The following FBXO39 variants were observed in gnomAD, a reference collection of about 807,000 sequenced individuals.
FBXO39 encodes F-box only protein 39.
A neutral mutation model predicts 36.6 loss-of-function variants in FBXO39; 22 were observed. That is an observed-to-expected ratio of 0.60 (90% CI 0.43 to 0.86). The LOEUF is 0.86. Ranked by LOEUF, FBXO39 falls within the 40% of genes least tolerant of loss-of-function variation. The pLI is 0.00. For synonymous variants in FBXO39, 206 were observed against 205.8 expected, an observed-to-expected ratio of 1.00 and a Z score of -0.01; for missense variants, 536 against 543.9, an observed-to-expected ratio of 0.99 and a Z score of 0.14.
chr17:6,782,660 A>G (rs1976523706), intron 2 of FBXO39, among the ~76,000 whole-genome samples: 1 of 152,150 alleles, frequency 6.6e-6, no homozygotes, highest in Admixed American at 6.5e-5. Flanking sequence ...TCAAGACAAA[A>G]TCTATAAAAA....
intron 1 of FBXO39, among the ~76,000 whole-genome samples, chr17:6,777,066 C>T (rs951694043): frequency 2.0e-4 from 31 of 152,020 alleles, no homozygotes; most frequent in African/African-American, 7.0e-4. Flanking sequence ...CTTGCTAGGC[C>T]AAAAGGTTTC....
chr17:6,780,805 C>A lies in FBXO39; in HGVS notation c.937C>A (p.Leu313Met). The A allele has an allele frequency of 6.2e-7, 1 of 1,614,134 alleles. No homozygotes were observed. The change falls in exon 2 of 4, where the codon CTG becomes ATG. Residue 313 changes from leucine (L) to methionine (M), a missense_variant. Leu to Met is a conservative substitution (Grantham distance 15). Coordinates refer to ENST00000321535, the MANE Select transcript of FBXO39 (RefSeq NM_153230.3). ...GGAGATCCCGATCAGGAGCATCAGTCTGAGAAGCTGCTATTTCAGTGACCC... is the reference window on the plus strand; with the variant it reads ...GGAGATCCCGATCAGGAGCATCAGTATGAGAAGCTGCTATTTCAGTGACCC... Reference protein sequence around the residue: ...LQEIPIRSISLRSCYFSDPDC... With the variant: ...LQEIPIRSISMRSCYFSDPDC...
At chr17:6,781,674 G>C (rs1330068305) in intron 2 of FBXO39, among the ~76,000 whole-genome samples, 1 of 152,078 alleles carries the variant, frequency 6.6e-6, no homozygotes, top group Non-Finnish European at 1.5e-5. Context: ...CTGCAGGGCT[G>C]GGACGAGCAC....
intron 2 of FBXO39, among the ~76,000 whole-genome samples, chr17:6,781,215 T>A (rs1055590725): frequency 6.6e-6 from 1 of 152,208 alleles, no homozygotes; most frequent in African/African-American, 2.4e-5. Context: ...CTGGGCTGCC[T>A]CTTCCTACTT....
At chr17:6,784,953 GTATA>G (rs1235738371) in intron 2 of FBXO39, among the ~76,000 whole-genome samples, 1,717 of 113,878 alleles carry the variant, frequency 0.015, 56 homozygotes, top group African/African-American at 0.057. Context: ...GTGTGTGTGT[GTATA>G]TATATATATG....
intron 1 of FBXO39, among the ~76,000 whole-genome samples, chr17:6,777,137 A>G (rs917536275): frequency 3.3e-5 from 5 of 152,040 alleles, no homozygotes; most frequent in Middle Eastern, 3.2e-3. Context: ...ACATGTGCAG[A>G]ACATGCAGGT....
chr17:6,782,972 C>T (rs1157782400), intron 2 of FBXO39, among the ~76,000 whole-genome samples: 2 of 152,102 alleles, frequency 1.3e-5, no homozygotes, highest in African/African-American at 4.8e-5. Flanking sequence ...AGAACACACA[C>T]TCTTCTCTTT....
intron 1 of FBXO39, 28 bp from the exon 2 acceptor site, chr17:6,779,761 A>T: frequency 8.5e-7 from 1 of 1,180,648 alleles, no homozygotes; most frequent in Non-Finnish European, 1.2e-6. Flanking sequence ...TTTGACAGGT[A>T]ATGGCTCTTC....
At chr17:6,779,584 T>C (rs985621593) in intron 1 of FBXO39, among the ~76,000 whole-genome samples, 1 of 152,204 alleles carries the variant, frequency 6.6e-6, no homozygotes, top group Admixed American at 6.5e-5. Flanking sequence ...CTTCCTGCTC[T>C]CTCACAGGGT....
chr17:6,777,957 G>C (rs1013700971), intron 1 of FBXO39, among the ~76,000 whole-genome samples: 1 of 152,214 alleles, frequency 6.6e-6, no homozygotes, highest in Non-Finnish European at 1.5e-5. Context: ...GGTGGTGAGA[G>C]AAAGTGATGG....
In FBXO39 at chr17:6,780,084, A is replaced by T; in HGVS notation, c.216A>T (p.Ala72=). Residue 72 remains alanine, a synonymous_variant, in exon 2 of 4, where the codon GCA becomes GCT. Coordinates refer to ENST00000321535, the MANE Select transcript of FBXO39 (RefSeq NM_153230.3). ...GCGGGAGACCTTCCAGGGTACATGC[A>T]TCTGAAGTTGAGTCAGCTGTTTGGT... ...TFSGRPSRVH[A]SEVESAVWYV... is the part of the protein sequence containing the mutation. 6.2e-7 allele frequency: 1 copy of T among 1,614,220 alleles called. No individual in the cohort carries two copies. Among genetic ancestry groups the T allele is most frequent in the Non-Finnish European group, 8.5e-7 (1 of 1,180,032 alleles).
chr17:6,782,309 A>G (rs1435703376), intron 2 of FBXO39, among the ~76,000 whole-genome samples: 1 of 152,220 alleles, frequency 6.6e-6, no homozygotes, highest in Non-Finnish European at 1.5e-5. Context: ...GACATGAAAC[A>G]TACCTCCAGA....
chr17:6,780,395 T>C lies in FBXO39; in HGVS notation c.527T>C (p.Val176Ala). The C allele has an allele frequency of 6.2e-7, 1 of 1,614,144 alleles. No individual in the cohort carries two copies. Among genetic ancestry groups the C allele is most frequent in the Non-Finnish European group, 8.5e-7 (1 of 1,180,030 alleles). ...AACCTAAAAGGGGCCAGGCTGACCG[T>C]GGAGCAAGGCTGCCAAATTCTCGAC... Reference protein sequence around the residue: ...YLNLKGARLTVEQGCQILDSL... With the variant: ...YLNLKGARLTAEQGCQILDSL... The change falls in exon 2 of 4, where the codon GTG becomes GCG. Residue 176 changes from valine to alanine, a missense_variant. Physicochemically the swap from Val to Ala is moderately conservative, Grantham distance 64 (BLOSUM62 0). Coordinates refer to ENST00000321535, the MANE Select transcript of FBXO39 (RefSeq NM_153230.3).
chr17:6,786,804 A>C lies in FBXO39; in HGVS notation c.1048A>C (p.Asn350His), dbSNP rs767159771. ...LQKLTCEFNNNHESLDEELHL... is the reference protein window; with the variant it reads ...LQKLTCEFNNHHESLDEELHL... ...GAAATTAACTTGTGAATTCAACAAC[A>C]ACCATGAGTCACTCGACGAGGAGCT... Residue 350 changes from asparagine (N) to histidine (H), a missense_variant, in exon 3 of 4, where the codon AAC becomes CAC. Asn to His is a moderately conservative substitution (Grantham distance 68). Transcript: ENST00000321535. The C allele has an allele frequency of 2.5e-6, 4 of 1,609,850 alleles. No homozygotes were observed. The highest frequency in any genetic ancestry group is 3.4e-6 in the Non-Finnish European group (4 of 1,178,410).
chr17:6,787,223 CGT>C (rs754209458), intron 3 of FBXO39, 75 bp from the exon 4 acceptor site: 2,077 of 1,348,336 alleles, frequency 1.5e-3, no homozygotes, highest in South Asian at 3.2e-3. Context: ...GTGTAGTCAC[CGT>C]GTGTGTGTGT....
At chr17:6,784,591 A>G (rs11650573) in intron 2 of FBXO39, among the ~76,000 whole-genome samples, 1 of 152,132 alleles carries the variant, frequency 6.6e-6, no homozygotes, top group Non-Finnish European at 1.5e-5. Flanking sequence ...ATCAACATAT[A>G]AAAATCAGTA....
chr17:6,786,147 T>G (rs533700988), intron 2 of FBXO39, among the ~76,000 whole-genome samples: 2 of 152,224 alleles, frequency 1.3e-5, no homozygotes, highest in Non-Finnish European at 2.9e-5. Context: ...ATGTACACAA[T>G]GGAGTACTAT....
At chr17:6,781,008 G>C (rs1976503686) in intron 2 of FBXO39, 117 bp downstream of exon 2, 1 of 1,169,588 alleles carries the variant, frequency 8.6e-7, no homozygotes, top group Non-Finnish European at 1.2e-6. Context: ...TCAAATTGAA[G>C]TTCTAGGAAA....
chr17:6,783,441 C>A (rs1304531884), intron 2 of FBXO39, among the ~76,000 whole-genome samples: 1 of 151,380 alleles, frequency 6.6e-6, no homozygotes, highest in Admixed American at 6.6e-5. Flanking sequence ...GAAAGTGAAA[C>A]AAATAATGCA....
Sources: gnomAD v4.1 joint callset for allele counts (sites outside exome capture counted in the v4.1 genomes callset) on GRCh38, gnomAD v4.1.1 for gene constraint, MANE v1.5 for transcripts, NCBI Gene and HGNC (gene_info 2026-07-23, HGNC 2026-07-21) for gene names.